The following CAMK4 variants were observed in gnomAD, a reference collection of about 807,000 sequenced individuals.
The protein encoded by CAMK4 is calcium/calmodulin-dependent protein kinase type IV.
CAMK4 carries 22 observed loss-of-function variants against 44.9 expected under a neutral mutation model. The observed-to-expected ratio is 0.49, with a 90% CI of 0.35 to 0.70. The LOEUF is 0.70. CAMK4 is among the 30% of genes least tolerant of loss of function. The pLI is 0.01. For synonymous variants in CAMK4, 218 were observed against 215.4 expected, an observed-to-expected ratio of 1.01 and a Z score of -0.11; for missense variants, 498 against 586.8, an observed-to-expected ratio of 0.85 and a Z score of 1.56.
intron 6 of CAMK4, 147 bp downstream of exon 6, chr5:111,446,923 G>C: frequency 1.5e-6 from 1 of 663,478 alleles, no homozygotes. Context: ...ATAATATGTT[G>C]TTTTGGAAGT....
chr5:111,256,861 G>C (rs1749765558), intron 1 of CAMK4, among the ~76,000 whole-genome samples: 3 of 152,124 alleles, frequency 2.0e-5, no homozygotes. Flanking sequence ...TATTTTGAAA[G>C]TTTACCACTT....
intron 1 of CAMK4, among the ~76,000 whole-genome samples, chr5:111,331,740 T>C (rs1580604829): frequency 1.3e-5 from 2 of 151,850 alleles, no homozygotes; most frequent in African/African-American, 4.8e-5. Context: ...GATTTATATA[T>C]ATGGTTTTGA....
rs1747370064 is a variant in CAMK4 at position 111,293,724 on chromosome 5, C to T, written c.162-50300C>T. The stretch of plus-strand genomic sequence containing the variant: ...ATGTGATTACAGGCGTGAGCCATCA[C>T]GCCTGGCTGCTGCTCTACTTTTTTT... On this transcript the variant is annotated intron_variant, in intron 1 of 10. Transcript: ENST00000282356. Among the ~76,000 whole-genome samples the T allele has an allele frequency of 4.8e-5, 7 of 146,964 alleles. No individual in the cohort carries two copies. The South Asian group carries it at 1.3e-3, about 28-fold the overall frequency.
intron 5 of CAMK4, among the ~76,000 whole-genome samples, chr5:111,418,445 AT>A (rs34910011): frequency 1.5e-4 from 22 of 150,320 alleles, no homozygotes; most frequent in Admixed American, 4.6e-4. Context: ...GGAGACAGGG[AT>A]TTTTTTTTTA....
intron 9 of CAMK4, among the ~76,000 whole-genome samples, chr5:111,479,686 T>A (rs1351451832): frequency 2.6e-5 from 4 of 152,216 alleles, no homozygotes; most frequent in African/African-American, 9.6e-5. Context: ...CTCTTTTTTC[T>A]TCAAGCATTT....
intron 1 of CAMK4, among the ~76,000 whole-genome samples, chr5:111,247,108 A>C (rs913312895): frequency 1.3e-5 from 2 of 151,922 alleles, no homozygotes; most frequent in Non-Finnish European, 2.9e-5. Context: ...TAAAATACAT[A>C]TATATATTAT....
intron 1 of CAMK4, among the ~76,000 whole-genome samples, chr5:111,310,357 T>C (rs553700715): frequency 6.6e-6 from 1 of 152,180 alleles, no homozygotes; most frequent in African/African-American, 2.4e-5. Context: ...ATAAATGATA[T>C]TGTGCTACAT....
At chr5:111,280,945 CT>C (rs1750983207) in intron 1 of CAMK4, among the ~76,000 whole-genome samples, 1 of 152,162 alleles carries the variant, frequency 6.6e-6, no homozygotes, top group South Asian at 2.1e-4. Flanking sequence ...TTTTTGGAAT[CT>C]TCTTTAGATT....
chr5:111,332,011 A>G (rs564926999), intron 1 of CAMK4, among the ~76,000 whole-genome samples: 8 of 151,850 alleles, frequency 5.3e-5, no homozygotes, highest in Admixed American at 1.3e-4. Flanking sequence ...AAAAATGAAC[A>G]GTGATTTCTG....
intron 5 of CAMK4, among the ~76,000 whole-genome samples, chr5:111,417,696 C>T (rs1171999437): frequency 1.3e-5 from 2 of 152,118 alleles, no homozygotes; most frequent in Non-Finnish European, 2.9e-5. Context: ...TATGCCTGTT[C>T]AACTCAAAAT....
At chr5:111,311,340 TGA>T (rs1748194858) in intron 1 of CAMK4, among the ~76,000 whole-genome samples, 1 of 152,360 alleles carries the variant, frequency 6.6e-6, no homozygotes, top group South Asian at 2.1e-4. Context: ...GAAGACTTGC[TGA>T]GAGAGAGTTC....
intron 2 of CAMK4, among the ~76,000 whole-genome samples, chr5:111,346,458 C>T (rs1749867180): frequency 6.8e-6 from 1 of 147,210 alleles, no homozygotes; most frequent in Non-Finnish European, 1.5e-5. Context: ...TATGACTAGC[C>T]CTAAGCCCAA....
At chr5:111,456,448 G>A (rs1443535365) in intron 7 of CAMK4, among the ~76,000 whole-genome samples, 2 of 151,824 alleles carry the variant, frequency 1.3e-5, no homozygotes, top group Non-Finnish European at 2.9e-5. Context: ...CCGAGATAGC[G>A]CCACTGCACT....
chr5:111,229,990 A>G (rs945477777), intron 1 of CAMK4, among the ~76,000 whole-genome samples: 1 of 152,154 alleles, frequency 6.6e-6, no homozygotes, highest in African/African-American at 2.4e-5. Flanking sequence ...TACTCAACAA[A>G]TGATTTTAAA....
chr5:111,383,418 G>A (rs557816069), intron 4 of CAMK4, among the ~76,000 whole-genome samples: 1 of 152,240 alleles, frequency 6.6e-6, no homozygotes, highest in Admixed American at 6.5e-5. Context: ...ACTAATAAAA[G>A]AGCCTATTAT....
chr5:111,292,487 C>G (rs1344114902), intron 1 of CAMK4, among the ~76,000 whole-genome samples: 1 of 151,858 alleles, frequency 6.6e-6, no homozygotes, highest in East Asian at 1.9e-4. Flanking sequence ...AGGACACATA[C>G]AGTAAAAGCC....
intron 2 of CAMK4, among the ~76,000 whole-genome samples, chr5:111,364,596 A>G (rs896208838): frequency 2.6e-5 from 4 of 152,098 alleles, no homozygotes; most frequent in Non-Finnish European, 5.9e-5. Flanking sequence ...CGTGTCTTAC[A>G]AAGGCTTCAA....
At chr5:111,408,458 C>T (rs957020316) in intron 5 of CAMK4, among the ~76,000 whole-genome samples, 1 of 152,182 alleles carries the variant, frequency 6.6e-6, no homozygotes, top group African/African-American at 2.4e-5. Context: ...GAAAACCCCT[C>T]TGCATAATTC....
rs1454923473 is a variant in CAMK4, at chr5:111,394,222, C to CT, written c.387-487dup. 4.6e-5 allele frequency among the ~76,000 whole-genome samples: 7 copies of CT among 152,152 alleles called. No homozygotes were observed. In the South Asian group the frequency reaches 8.3e-4, roughly 18 times the overall value. ...TATAGGTATGATATTGGAATTATGA[C>CT]TGATTTTTAGAGGGTCCTTTATCTT... is the stretch of plus-strand genomic sequence containing the variant. On this transcript the variant is annotated intron_variant, in intron 4 of 10. Transcript: ENST00000282356.
Sources: allele counts gnomAD v4.1 joint callset (sites outside exome capture counted in the v4.1 genomes callset), GRCh38; gene constraint gnomAD v4.1.1; transcripts MANE v1.5; gene names NCBI Gene and HGNC (gene_info 2026-07-23, HGNC 2026-07-21).